The following SOX6 variants were observed in gnomAD, a reference collection of about 807,000 sequenced individuals.
SOX6 encodes transcription factor SOX-6.
A neutral mutation model predicts 97.8 loss-of-function variants in SOX6; 11 were observed. The observed-to-expected ratio is 0.11, with a 90% CI of 0.07 to 0.19. The LOEUF (loss-of-function observed/expected upper bound fraction) is 0.19, where lower values mean the gene tolerates loss of function less well. Among genes scored for constraint, SOX6 ranks in the 10% least tolerant of loss-of-function variants. The pLI, the probability that SOX6 is intolerant of heterozygous loss-of-function variation, is 1.00. For missense variants in SOX6, 810 were observed against 1,039.5 expected, an observed-to-expected ratio of 0.78 and a Z score of 3.04; for synonymous variants, 360 against 371.4, an observed-to-expected ratio of 0.97 and a Z score of 0.35.
intron 3 of SOX6, among the ~76,000 whole-genome samples, chr11:16,277,185 T>TGG (rs1476343918): frequency 5.9e-5 from 9 of 152,098 alleles, no homozygotes; most frequent in Non-Finnish European, 1.2e-4. Flanking sequence ...CTCTAAGTGA[T>TGG]GGTATCTGGA....
At chr11:16,043,911 CA>C (rs201249485) in intron 12 of SOX6, among the ~76,000 whole-genome samples, 3,602 of 152,128 alleles carry the variant, frequency 0.024, 140 homozygotes, top group African/African-American at 0.082. Flanking sequence ...TGCAGGGGTA[CA>C]AAAGCTCACA....
At chr11:16,514,705 C>T (rs2133154699) in intron 4 of SOX6, among the ~76,000 whole-genome samples, 1 of 117,040 alleles carries the variant, frequency 8.5e-6, no homozygotes, top group South Asian at 3.3e-4. Context: ...CCTCCCCCCA[C>T]CCCACAACAG....
chr11:16,102,364 G>A (rs928435643), intron 7 of SOX6, among the ~76,000 whole-genome samples: 1 of 151,872 alleles, frequency 6.6e-6, no homozygotes, highest in African/African-American at 2.4e-5. Flanking sequence ...AAACACTGCT[G>A]AAAGAAATCA....
chr11:16,401,694 T>G (rs1264963438), intron 1 of SOX6, among the ~76,000 whole-genome samples: 1 of 151,496 alleles, frequency 6.6e-6, no homozygotes, highest in Non-Finnish European at 1.5e-5. Flanking sequence ...TATATTACTT[T>G]AAGTCTATGA....
chr11:16,130,229 A>G lies in SOX6; in HGVS notation c.778-18306T>C, dbSNP rs571310438. 2.2e-4 allele frequency among the ~76,000 whole-genome samples: 34 copies of G among 152,098 alleles called. No individual in the cohort carries two copies. In the South Asian group the frequency reaches 7.0e-3, roughly 32 times the overall value. The stretch of plus-strand genomic sequence containing the variant: ...AAATAGAAAATTTTAACCAAAGTTT[A>G]TAAGACCTCTACACTAAAAGCTATG... On this transcript the variant is annotated intron_variant, in intron 6 of 15. Coordinates refer to ENST00000683767, the MANE Select transcript of SOX6 (RefSeq NM_001367873.1).
intron 15 of SOX6, among the ~76,000 whole-genome samples, chr11:15,984,927 T>C (rs10832542): frequency 0.42 from 64,128 of 152,014 alleles, 13,699 homozygotes; most frequent in Admixed American, 0.44. Flanking sequence ...TCATTGGATC[T>C]TCTCAACAAT....
At chr11:16,374,163 T>C (rs1476420831) in intron 1 of SOX6, among the ~76,000 whole-genome samples, 1 of 152,056 alleles carries the variant, frequency 6.6e-6, no homozygotes, top group Non-Finnish European at 1.5e-5. Context: ...TCTTCATTAT[T>C]CAGAACATCC....
At chr11:16,271,444 T>A (rs971418705) in intron 3 of SOX6, among the ~76,000 whole-genome samples, 1 of 151,466 alleles carries the variant, frequency 6.6e-6, no homozygotes, top group African/African-American at 2.4e-5. Flanking sequence ...ACTGGGACTA[T>A]CTGGTGTTTG....
intron 2 of SOX6, among the ~76,000 whole-genome samples, chr11:16,329,909 G>C (rs1313292363): frequency 6.6e-6 from 1 of 152,068 alleles, no homozygotes; most frequent in Non-Finnish European, 1.5e-5. Flanking sequence ...CTATTCCATG[G>C]AAACATTCAG....
intron 6 of SOX6, among the ~76,000 whole-genome samples, chr11:16,117,831 G>T (rs889931532): frequency 6.6e-6 from 1 of 152,094 alleles, no homozygotes; most frequent in South Asian, 2.1e-4. Context: ...TGCCAGGAAA[G>T]GCAGTCACAT....
In SOX6 at chr11:16,583,620, T is replaced by TATATATATACACACACACACAC. The variant is rs1565186429; in HGVS notation, n.609+28460_609+28461insGTGTGTGTGTGTGTATATATAT. On this transcript the variant is annotated intron_variant and non_coding_transcript_variant, in intron 4 of 5. Transcript: ENST00000524520. ...ATATATGTGTATATATATACATATA[T>TATATATATACACACACACACAC]ATATATATATATATATACACATACA... Among the ~76,000 whole-genome samples, 215 of 136,958 alleles carry TATATATATACACACACACACAC rather than the reference T, an allele frequency of 1.6e-3. 4 individuals are homozygous for TATATATATACACACACACACAC. Among genetic ancestry groups the TATATATATACACACACACACAC allele is most frequent in the East Asian group, 0.013 (63 of 5,016 alleles). 89.8% of individuals were successfully genotyped at this position (136,958 alleles called of 152,430 possible).
At chr11:16,500,049 C>T (rs1346147085) in intron 4 of SOX6, among the ~76,000 whole-genome samples, 1 of 152,146 alleles carries the variant, frequency 6.6e-6, no homozygotes, top group Non-Finnish European at 1.5e-5. Context: ...AACATCAATG[C>T]AAAAATCCTG....
At chr11:16,363,658 T>G (rs2938283) in intron 1 of SOX6, among the ~76,000 whole-genome samples, 151,497 of 152,214 alleles carry the variant, frequency 1, 75,397 homozygotes, top group Middle Eastern at 1. Flanking sequence ...TTATTTTTAA[T>G]GACTACTTGG....
At chr11:16,114,292 A>G (rs1372229960) in intron 6 of SOX6, among the ~76,000 whole-genome samples, 1 of 152,210 alleles carries the variant, frequency 6.6e-6, no homozygotes, top group African/African-American at 2.4e-5. Flanking sequence ...GTCTGAACTC[A>G]AATCTATATG....
Position 16,378,691 on chromosome 11 carries a change from T to A in SOX6, c.-4-37439A>T, listed in dbSNP as rs141186565. ...AAAATATATGTGACCACTTACATAA[T>A]GTTAGATAGGAAAGACATTTCTAAA... is the stretch of plus-strand genomic sequence containing the variant. On this transcript the variant is annotated intron_variant, in intron 1 of 15. Transcript: ENST00000396356. 4.7e-3 allele frequency among the ~76,000 whole-genome samples: 711 copies of A among 152,062 alleles called. 5 individuals carry two copies. Among genetic ancestry groups the A allele is most frequent in the Middle Eastern group, 0.024 (7 of 286 alleles).
At chr11:16,503,644 C>T (rs1590226071) in intron 4 of SOX6, among the ~76,000 whole-genome samples, 1 of 152,206 alleles carries the variant, frequency 6.6e-6, no homozygotes, top group Non-Finnish European at 1.5e-5. Flanking sequence ...AGTAGCTATA[C>T]TTATGTCAGA....
At chr11:16,278,040 T>TA (rs1491277048) in intron 3 of SOX6, among the ~76,000 whole-genome samples, 36 of 152,038 alleles carry the variant, frequency 2.4e-4, no homozygotes, top group Admixed American at 1.0e-3. Context: ...TATATATATA[T>TA]TTCTCTCTTA....
At chr11:16,652,534 T>C (rs904629750) in intron 3 of SOX6, among the ~76,000 whole-genome samples, 6 of 152,096 alleles carry the variant, frequency 3.9e-5, no homozygotes, top group Non-Finnish European at 7.4e-5. Context: ...ATTTAACAAA[T>C]AGTGCTGGGA....
chr11:16,360,952 A>C (rs956651216), upstream of SOX6, among the ~76,000 whole-genome samples: 23 of 152,088 alleles, frequency 1.5e-4, no homozygotes, highest in Admixed American at 8.5e-4. Flanking sequence ...GAAGTGAGCC[A>C]AAATCACACC....
Sources: gnomAD v4.1 joint callset for allele counts (sites outside exome capture counted in the v4.1 genomes callset) on GRCh38, gnomAD v4.1.1 for gene constraint, MANE v1.5 for transcripts, NCBI Gene and HGNC (gene_info 2026-07-23, HGNC 2026-07-21) for gene names.